The following CPNE8 variants were observed in gnomAD, a reference collection of about 807,000 sequenced individuals.
The protein encoded by CPNE8 is copine 8.
Under a neutral mutation model 81.5 loss-of-function variants are expected in CPNE8, and 45 were observed. That is an observed-to-expected ratio of 0.55 (90% confidence interval 0.44 to 0.71). The LOEUF is 0.71. Among genes scored for constraint, CPNE8 ranks in the 30% least tolerant of loss-of-function variants. The pLI is 0.00. For missense variants in CPNE8, 594 were observed against 672.1 expected (o/e 0.88, Z 1.28); for synonymous variants, 252 against 226.3 (o/e 1.11, Z -1.02).
intron 6 of CPNE8, among the ~76,000 whole-genome samples, chr12:38,785,407 T>A (rs1942160511): frequency 6.6e-6 from 1 of 151,906 alleles, no homozygotes; most frequent in African/African-American, 2.4e-5. Flanking sequence ...CCAAATCTCA[T>A]CTTGAATTAT....
chr12:38,747,977 C>T (rs1941271401), intron 10 of CPNE8, among the ~76,000 whole-genome samples: 1 of 151,910 alleles, frequency 6.6e-6, no homozygotes, highest in African/African-American at 2.4e-5. Flanking sequence ...AATAAGTAAG[C>T]ATTCCTAGAA....
intron 1 of CPNE8, among the ~76,000 whole-genome samples, chr12:38,887,096 C>G (rs1944247709): frequency 1.3e-5 from 2 of 152,166 alleles, no homozygotes; most frequent in South Asian, 4.1e-4. Context: ...TACAGGGTTA[C>G]AGGGACAGCA....
chr12:38,905,635 G>A, upstream of CPNE8: 1 of 1,509,764 alleles, frequency 6.6e-7, no homozygotes, highest in South Asian at 1.2e-5. Context: ...TGAGGGTGGA[G>A]GCAGAAGAAG....
At chr12:38,869,051 G>A (rs1432734100) in intron 3 of CPNE8, among the ~76,000 whole-genome samples, 2 of 152,110 alleles carry the variant, frequency 1.3e-5, no homozygotes, top group Non-Finnish European at 2.9e-5. Flanking sequence ...ATTTCATATG[G>A]TTCAACATAA....
chr12:38,807,459 C>G (rs1942836066), intron 6 of CPNE8, among the ~76,000 whole-genome samples: 1 of 151,930 alleles, frequency 6.6e-6, no homozygotes, highest in Admixed American at 6.6e-5. Context: ...ATGTCTACAA[C>G]TATCTGATCT....
Position 38,842,360 on chromosome 12 carries a change from T to G in CPNE8, c.291-2405A>C, listed in dbSNP as rs186595599. Among the ~76,000 whole-genome samples, 213 of 152,184 alleles carry G rather than the reference T, an allele frequency of 1.4e-3. 1 individual carries two copies. The highest frequency in any genetic ancestry group is 4.8e-3 in the African/African-American group (201 of 41,522). ...CTTCTAAAAAGAACCGAGTGTGGAC[T>G]GGGGAGAAATGACATCGAATGTTCA... is the stretch of plus-strand genomic sequence containing the variant. On this transcript the variant is annotated intron_variant, in intron 4 of 19. Coordinates refer to ENST00000331366, the MANE Select transcript of CPNE8 (RefSeq NM_153634.3).
chr12:38,662,897 C>T (rs1443032506), intron 19 of CPNE8, among the ~76,000 whole-genome samples: 2 of 151,994 alleles, frequency 1.3e-5, no homozygotes. Context: ...GGAAAGAACA[C>T]CCTTTTCATT....
chr12:38,675,494 T>G (rs1268634891), intron 18 of CPNE8, among the ~76,000 whole-genome samples: 2 of 152,162 alleles, frequency 1.3e-5, no homozygotes, highest in Non-Finnish European at 2.9e-5. Context: ...ACTAGAGAGA[T>G]AATATCCTAG....
At chr12:38,709,588 T>G (rs1298107310) in intron 13 of CPNE8, among the ~76,000 whole-genome samples, 1 of 152,220 alleles carries the variant, frequency 6.6e-6, no homozygotes, top group African/African-American at 2.4e-5. Context: ...GAACCTGTCC[T>G]TTAGAAGGCC....
intron 2 of CPNE8, among the ~76,000 whole-genome samples, chr12:38,873,949 T>A (rs1944027283): frequency 6.6e-6 from 1 of 152,052 alleles, no homozygotes; most frequent in African/African-American, 2.4e-5. Flanking sequence ...TTTATTTTAT[T>A]TTTCTTTTCT....
chr12:38,706,016 G>C (rs927009465), intron 13 of CPNE8, among the ~76,000 whole-genome samples: 1 of 151,906 alleles, frequency 6.6e-6, no homozygotes, highest in African/African-American at 2.4e-5. Context: ...TTAAAGAGAA[G>C]ATACTATCAT....
chr12:38,833,616 C>T (rs1473321292), intron 5 of CPNE8, among the ~76,000 whole-genome samples: 2 of 151,130 alleles, frequency 1.3e-5, no homozygotes, highest in Non-Finnish European at 2.9e-5. Context: ...GTAGCTGGGA[C>T]TACAGGCACT....
chr12:38,774,180 T>C (rs963463543), intron 7 of CPNE8, among the ~76,000 whole-genome samples: 13 of 152,150 alleles, frequency 8.5e-5, no homozygotes, highest in African/African-American at 3.1e-4. Flanking sequence ...ATGCAGCCTG[T>C]CCATACTCAA....
intron 15 of CPNE8, among the ~76,000 whole-genome samples, chr12:38,691,517 G>A (rs914246060): frequency 7.2e-5 from 11 of 152,160 alleles, no homozygotes; most frequent in Admixed American, 6.5e-4. Context: ...AAAAACAAAA[G>A]TGCTTTGAAA....
rs543190588 is a variant in CPNE8 at position 38,818,104 on chromosome 12, C to A, written c.407+11275G>T. ...ATAGTGCTATGAAGGTTAGAGGAGT[C>A]AATAGATGCAAAGCCAGTAGAATAG... On this transcript the variant is annotated intron_variant, in intron 6 of 19. Coordinates refer to ENST00000331366, the MANE Select transcript of CPNE8 (RefSeq NM_153634.3). Among the ~76,000 whole-genome samples, 197 of 152,058 alleles carry A rather than the reference C, an allele frequency of 1.3e-3. 9 individuals are homozygous for A. The South Asian group carries it at 0.04, about 31-fold the overall frequency.
chr12:38,805,953 C>A (rs910972624), intron 6 of CPNE8, among the ~76,000 whole-genome samples: 1 of 149,838 alleles, frequency 6.7e-6, no homozygotes, highest in Non-Finnish European at 1.5e-5. Context: ...TACAAACTAC[C>A]ATCAGAGAAT....
chr12:38,785,725 C>T (rs1267819083), intron 6 of CPNE8, among the ~76,000 whole-genome samples: 1 of 152,030 alleles, frequency 6.6e-6, no homozygotes, highest in Non-Finnish European at 1.5e-5. Context: ...TACAAGAAGA[C>T]ATATATAGAC....
intron 13 of CPNE8, among the ~76,000 whole-genome samples, chr12:38,710,288 A>AAAAAAAAAC (rs1555145903): frequency 6.7e-6 from 1 of 148,200 alleles, no homozygotes; most frequent in Non-Finnish European, 1.5e-5. Flanking sequence ...AAAAAAAAAA[A>AAAAAAAAAC]CCAACCCCAA....
intron 6 of CPNE8, among the ~76,000 whole-genome samples, chr12:38,789,140 C>T (rs143022736): frequency 6.6e-6 from 1 of 151,758 alleles, no homozygotes; most frequent in Non-Finnish European, 1.5e-5. Context: ...CCCAGAATAG[C>T]CAAAACTATC....
Sources: gnomAD v4.1 joint callset for allele counts (sites outside exome capture counted in the v4.1 genomes callset) on GRCh38, gnomAD v4.1.1 for gene constraint, MANE v1.5 for transcripts, NCBI Gene and HGNC (gene_info 2026-07-23, HGNC 2026-07-21) for gene names.